Variants in MAPK8IP3 observed in about 807,000 individuals in gnomAD.
MAPK8IP3 encodes mitogen-activated protein kinase 8 interacting protein 3, also known as C-Jun-amino-terminal kinase-interacting protein 3.
In MAPK8IP3, 49 loss-of-function variants were observed where a neutral mutation model predicts 157.8. The ratio of observed to expected loss-of-function variants is 0.31; its 90% confidence interval spans 0.25 to 0.39. MAPK8IP3 has a LOEUF of 0.39. Among genes scored for constraint, MAPK8IP3 ranks in the 10% least tolerant of loss-of-function variants. The probability of loss-of-function intolerance (pLI) is 1.00; values close to 1 mark genes in which losing one functional copy is unlikely to be tolerated. For synonymous variants in MAPK8IP3, 897 were observed against 777.7 expected (o/e 1.15, Z -2.55); for missense variants, 1,478 against 1,889.4 (o/e 0.78, Z 4.04).
chr16:1,764,734 G>A (rs1255623704), intron 19 of MAPK8IP3, among the ~76,000 whole-genome samples: 2 of 152,198 alleles, frequency 1.3e-5, no homozygotes, highest in Non-Finnish European at 2.9e-5. Flanking sequence ...GCCCAGGAGC[G>A]GCAGAGCTTG....
In MAPK8IP3 at chr16:1,766,334, T is replaced by C; in HGVS notation, c.2744T>C (p.Leu915Ser). ...PGPSEPETAT[L>S]RPGPLTEHVF... ...CCCAGCGAGCCAGAGACAGCCACATTGCGGCCCGGGCCTCTCACAGAGCAC... is the reference window on the plus strand; with the variant it reads ...CCCAGCGAGCCAGAGACAGCCACATCGCGGCCCGGGCCTCTCACAGAGCAC... The change falls in exon 22 of 32, where the codon TTG (leucine) becomes TCG (serine). Residue 915 changes from leucine (L) to serine (S), a missense_variant. By Grantham distance (145) the Leu-to-Ser change is moderately radical (BLOSUM62 -2). Transcript: ENST00000610761. The C allele has an allele frequency of 6.2e-7, 1 of 1,612,648 alleles. No individual in the cohort carries two copies. The highest frequency in any genetic ancestry group is 1.1e-5 in the South Asian group (1 of 91,084).
At chr16:1,708,642 G>A (rs1166838593) in intron 1 of MAPK8IP3, among the ~76,000 whole-genome samples, 8 of 152,160 alleles carry the variant, frequency 5.3e-5, no homozygotes, top group Non-Finnish European at 8.8e-5. Flanking sequence ...CCAAGCTGGC[G>A]GGTGTGCGTG....
In MAPK8IP3 at chr16:1,769,100, C is replaced by T; in HGVS notation, c.*276C>T. 2.0e-6 allele frequency: 1 copy of T among 495,870 alleles called. No individual in the cohort carries two copies. Among genetic ancestry groups the T allele is most frequent in the Non-Finnish European group, 3.7e-6 (1 of 272,572 alleles). The allele number at this position is 495,870 out of a possible 1,614,324, so 30.7% of individuals were successfully genotyped here. A position where few individuals can be genotyped will look rare whatever the true frequency, so the allele number is the denominator to read the frequency against. On this transcript the variant is annotated 3_prime_UTR_variant, in exon 32 of 32. Transcript: ENST00000610761. ...AGCTTCCAGCCCAGAGTCCTCAAGT[C>T]CAGGGCACCTTGGGCCCAGCGCAGG...
At position 1,742,959 on chromosome 16, in the gene MAPK8IP3, A is replaced by G. The variant is rs1281897616; in HGVS notation, c.603-373A>G. ...AACACGGTGAAACCCCGTCTCTACT[A>G]AAAATACAAAAAAAAATTAGCCAGG... is the stretch of plus-strand genomic sequence containing the variant. On this transcript the variant is annotated intron_variant, in intron 4 of 31. Coordinates refer to ENST00000610761, the MANE Select transcript of MAPK8IP3 (RefSeq NM_001318852.2). This position sits in a 1 kb window ranked among gnomAD's most constrained non-coding sequence, Gnocchi z 5.0. Among the ~76,000 whole-genome samples the G allele has an allele frequency of 6.6e-6, 1 of 152,034 alleles. No homozygotes were observed. The highest frequency in any genetic ancestry group is 1.5e-5 in the Non-Finnish European group (1 of 67,984).
chr16:1,756,630 AC>A, intron 8 of MAPK8IP3, among the ~76,000 whole-genome samples: 1 of 88,772 alleles, frequency 1.1e-5, no homozygotes, highest in Admixed American at 1.0e-4. Context: ...TAAAACACAC[AC>A]ACACACACAC....
intron 8 of MAPK8IP3, among the ~76,000 whole-genome samples, chr16:1,757,562 C>T (rs757596519): frequency 2.0e-5 from 3 of 152,180 alleles, no homozygotes; most frequent in Non-Finnish European, 2.9e-5. Context: ...GAGGATGCCT[C>T]GCCCGCCCCA....
At chr16:1,740,987 C>T (rs2040639512) in intron 4 of MAPK8IP3, among the ~76,000 whole-genome samples, 1 of 152,188 alleles carries the variant, frequency 6.6e-6, no homozygotes, top group Non-Finnish European at 1.5e-5. Context: ...CTGCCTTGGT[C>T]ACAGACGAAG....
At chr16:1,727,105 G>A (rs975435201) in intron 2 of MAPK8IP3, among the ~76,000 whole-genome samples, 8 of 150,508 alleles carry the variant, frequency 5.3e-5, no homozygotes, top group African/African-American at 2.0e-4. Flanking sequence ...GCCGTGTGGA[G>A]CGTCTGTGTG....
chr16:1,728,635 C>T (rs900888009), intron 2 of MAPK8IP3, among the ~76,000 whole-genome samples: 1 of 149,984 alleles, frequency 6.7e-6, no homozygotes, highest in Non-Finnish European at 1.5e-5. Flanking sequence ...ACACAGCAGC[C>T]CCCCAGACGG....
chr16:1,770,215 GC>G lies in MAPK8IP3; in HGVS notation c.*1392del, dbSNP rs2042533766. On this transcript the variant is annotated 3_prime_UTR_variant, in exon 32 of 32. Transcript: ENST00000610761. ...GGATCTCGAAGTGACTCCGGGCTGA[GC>G]AGTGGGGCGGCTGGGGGAGGGGTGA... is the stretch of plus-strand genomic sequence containing the variant. 2 of 159,754 alleles carry G rather than the reference GC, an allele frequency of 1.3e-5. No homozygotes were observed. Among genetic ancestry groups the G allele is most frequent in the East Asian group, 3.7e-4 (2 of 5,442 alleles). The allele number at this position is 159,754 out of a possible 1,614,324, so 9.9% of individuals were successfully genotyped here. A position where few individuals can be genotyped will look rare whatever the true frequency, so the allele number is the denominator to read the frequency against.
At position 1,724,626 on chromosome 16, in the gene MAPK8IP3, G is replaced by A. The variant is rs925956769; in HGVS notation, c.388G>A (p.Glu130Lys). The change falls in exon 2 of 32, where the codon GAG (glutamate) becomes AAG (lysine). Residue 130 changes from glutamate (E) to lysine (K), a missense_variant. This residue lies in a region of MAPK8IP3 where 65 missense variants were observed against 161.8 expected (regional missense o/e 0.40). Transcript: ENST00000610761. This position sits in a 1 kb window ranked among gnomAD's most constrained non-coding sequence, Gnocchi z 4.1. Reference sequence around the variant, plus strand: ...GCTGCAAATCCAGGTGGAGCACTACGAGTTCCAGACGCGCCAGCTGGAGCT... The same window carrying A: ...GCTGCAAATCCAGGTGGAGCACTACAAGTTCCAGACGCGCCAGCTGGAGCT... Reference protein sequence around the residue: ...KELQIQVEHYEFQTRQLELKA... With the variant: ...KELQIQVEHYKFQTRQLELKA... 6.2e-7 allele frequency: 1 copy of A among 1,613,644 alleles called. No individual in the cohort carries two copies. Among genetic ancestry groups the A allele is most frequent in the Non-Finnish European group, 8.5e-7 (1 of 1,179,994 alleles).
In MAPK8IP3 at chr16:1,764,864, A is replaced by G. The variant is rs573881866; in HGVS notation, c.2281-149A>G. On this transcript the variant is annotated intron_variant, in intron 19 of 31. Coordinates refer to ENST00000610761, the MANE Select transcript of MAPK8IP3 (RefSeq NM_001318852.2). Reference sequence around the variant, plus strand: ...CTTTAGAGTGCAGTCCTGAGTCCGCATTGTTCTGGTCCTGGGGGAGGACAG... The same window carrying G: ...CTTTAGAGTGCAGTCCTGAGTCCGCGTTGTTCTGGTCCTGGGGGAGGACAG... 16 of 744,032 alleles carry G rather than the reference A, an allele frequency of 2.2e-5. No homozygotes were observed. The Admixed American group carries it at 3.7e-4, about 17-fold the overall frequency. The allele number at this position is 744,032 out of a possible 1,614,324, so 46.1% of individuals were successfully genotyped here. A position where few individuals can be genotyped will look rare whatever the true frequency, so the allele number is the denominator to read the frequency against.
At chr16:1,718,465 T>G (rs1355113868) in intron 1 of MAPK8IP3, among the ~76,000 whole-genome samples, 1 of 151,122 alleles carries the variant, frequency 6.6e-6, no homozygotes, top group Non-Finnish European at 1.5e-5. Context: ...ATTACAGGCA[T>G]GAGTCACCGC....
intron 19 of MAPK8IP3, 32 bp from the exon 20 acceptor site, chr16:1,764,981 G>A: frequency 6.3e-7 from 1 of 1,584,340 alleles, no homozygotes; most frequent in Non-Finnish European, 8.6e-7. Context: ...CTCAAGCTCG[G>A]GCTCTGACCT....
At chr16:1,759,728 G>A (rs1596762931) in intron 10 of MAPK8IP3, among the ~76,000 whole-genome samples, 1 of 152,246 alleles carries the variant, frequency 6.6e-6, no homozygotes, top group Admixed American at 6.5e-5. Flanking sequence ...CAGCTGGCCT[G>A]TGACATTGGT....
chr16:1,755,014 T>A (rs2041514595), intron 8 of MAPK8IP3, among the ~76,000 whole-genome samples: 1 of 152,170 alleles, frequency 6.6e-6, no homozygotes, highest in Non-Finnish European at 1.5e-5. Context: ...TGGAACTCTA[T>A]GAATGGATCT....
chr16:1,748,854 A>C (rs1222357820), intron 8 of MAPK8IP3, 134 bp downstream of exon 8: 4 of 846,236 alleles, frequency 4.7e-6, no homozygotes, highest in Non-Finnish European at 8.1e-6. Flanking sequence ...AGCTTTGTTG[A>C]GTTGCGTTTC....
intron 4 of MAPK8IP3, among the ~76,000 whole-genome samples, chr16:1,731,048 G>A (rs1016723495): frequency 2.0e-5 from 3 of 152,074 alleles, no homozygotes; most frequent in Admixed American, 6.6e-5. Context: ...GCTGAGGCAG[G>A]AGAATTGCTT....
chr16:1,737,065 C>T (rs1267126512), intron 4 of MAPK8IP3, among the ~76,000 whole-genome samples: 3 of 59,628 alleles, frequency 5.0e-5, no homozygotes, highest in South Asian at 2.6e-3. Flanking sequence ...TGTGAGCGTC[C>T]GTGTGAGCGT....
Sources: gnomAD v4.1 joint callset for allele counts (sites outside exome capture counted in the v4.1 genomes callset) on GRCh38, gnomAD v4.1.1 for gene constraint, gnomAD v4.1.1 regional missense constraint, Gnocchi (gnomAD v3.1) non-coding constraint, MANE v1.5 for transcripts, NCBI Gene and HGNC (gene_info 2026-07-23, HGNC 2026-07-21) for gene names.